SLC39A11: variants seen among roughly 807,000 people sequenced by gnomAD.
SLC39A11 encodes solute carrier family 39 member 11.
SLC39A11 carries 33 observed loss-of-function variants against 36.1 expected under a neutral mutation model. That is an observed-to-expected ratio of 0.91 (90% CI 0.69 to 1.22). SLC39A11 has a LOEUF of 1.22. SLC39A11 is among the 50% of genes most tolerant of loss of function. The pLI, the probability that SLC39A11 is intolerant of heterozygous loss-of-function variation, is 0.00. For synonymous variants in SLC39A11, 166 were observed against 170.3 expected (o/e 0.97, Z 0.20); for missense variants, 432 against 430.3 (o/e 1.00, Z -0.03).
intron 5 of SLC39A11, among the ~76,000 whole-genome samples, chr17:72,923,262 G>A (rs1023966369): frequency 2.0e-5 from 3 of 152,086 alleles, no homozygotes; most frequent in Non-Finnish European, 2.9e-5. Context: ...TGAGTTGCAT[G>A]GGCCAATAGG....
chr17:72,863,275 T>C (rs1196336421), intron 5 of SLC39A11, among the ~76,000 whole-genome samples: 5 of 152,178 alleles, frequency 3.3e-5, no homozygotes, highest in African/African-American at 1.2e-4. Context: ...AACATGTTCC[T>C]CTTCTTGGAA....
At chr17:72,947,593 G>C (rs2085509812) in intron 5 of SLC39A11, 159 bp downstream of exon 5, 4 of 1,057,830 alleles carry the variant, frequency 3.8e-6, no homozygotes, top group African/African-American at 1.6e-5. Context: ...CCAGATGCCA[G>C]TTTAGCTCCA....
At chr17:72,869,513 C>T (rs142027719) in intron 5 of SLC39A11, among the ~76,000 whole-genome samples, 7,129 of 152,282 alleles carry the variant, frequency 0.047, 197 homozygotes, top group Non-Finnish European at 0.06. Context: ...TCTCAGCCTC[C>T]CAAGTAGCTG....
intron 6 of SLC39A11, among the ~76,000 whole-genome samples, chr17:72,802,947 G>A (rs2077142570): frequency 6.6e-6 from 1 of 152,212 alleles, no homozygotes; most frequent in African/African-American, 2.4e-5. Flanking sequence ...TGCCTGCTGG[G>A]GACAAGCCAG....
intron 3 of SLC39A11, among the ~76,000 whole-genome samples, chr17:73,045,692 T>C (rs1158289518): frequency 6.6e-6 from 1 of 152,220 alleles, no homozygotes; most frequent in Middle Eastern, 3.2e-3. Context: ...CTTTGGTCCT[T>C]TCAAGGCAGA....
In SLC39A11 at chr17:72,723,321, A is replaced by AGT. The variant is rs10570164; in HGVS notation, c.671+13327_671+13328dup. ...TTCTTTGTCTTTGTAGGAGTGTAAG[A>AGT]GTGTGTGTGTGTGTGTGTGTGTGTG... On this transcript the variant is annotated intron_variant, in intron 7 of 9. Transcript: ENST00000255559. Among the ~76,000 whole-genome samples, 1,099 of 148,550 alleles carry AGT rather than the reference A, an allele frequency of 7.4e-3. 7 individuals carry two copies. The highest frequency in any genetic ancestry group is 0.02 in the Middle Eastern group (6 of 294).
intron 5 of SLC39A11, among the ~76,000 whole-genome samples, chr17:72,888,417 AT>A (rs1202094314): frequency 6.6e-6 from 1 of 152,202 alleles, no homozygotes; most frequent in African/African-American, 2.4e-5. Flanking sequence ...GCTCTACCTG[AT>A]CCCAACAGAT....
rs146414188 is a variant in SLC39A11, at chr17:72,719,718, C to G, written c.671+16932G>C. On this transcript the variant is annotated intron_variant, in intron 7 of 9. Transcript: ENST00000255559. ...AGAGCTTGACGGGGCCCTCCCTCCC[C>G]CAAGGTCTGCTCCAGGCTAACAGAG... Among the ~76,000 whole-genome samples, 906 of 152,334 alleles carry G rather than the reference C, an allele frequency of 5.9e-3. 10 individuals carry two copies. The highest frequency in any genetic ancestry group is 0.02 in the African/African-American group (850 of 41,576).
At chr17:72,695,323 G>A (rs539979188) in intron 7 of SLC39A11, among the ~76,000 whole-genome samples, 12 of 152,274 alleles carry the variant, frequency 7.9e-5, no homozygotes, top group African/African-American at 2.4e-4. Flanking sequence ...AGCCTGACAT[G>A]TCCACATGCA....
intron 4 of SLC39A11, among the ~76,000 whole-genome samples, chr17:72,985,921 G>A (rs193021923): frequency 6.6e-6 from 1 of 152,224 alleles, no homozygotes; most frequent in Non-Finnish European, 1.5e-5. Flanking sequence ...TTATAAAAAG[G>A]AGAAATTTGG....
At chr17:73,078,506 T>C (rs2144677333) in intron 3 of SLC39A11, among the ~76,000 whole-genome samples, 1 of 151,650 alleles carries the variant, frequency 6.6e-6, no homozygotes, top group East Asian at 1.9e-4. Context: ...TTTTTTTTTT[T>C]GAGACGGTCT....
intron 7 of SLC39A11, among the ~76,000 whole-genome samples, chr17:72,710,669 A>G (rs1205694100): frequency 6.6e-6 from 1 of 152,246 alleles, no homozygotes; most frequent in Non-Finnish European, 1.5e-5. Context: ...TTGTAGCAGC[A>G]TGAATGAACT....
chr17:72,891,382 G>C (rs1024812082), intron 5 of SLC39A11, among the ~76,000 whole-genome samples: 1 of 152,048 alleles, frequency 6.6e-6, no homozygotes, highest in East Asian at 1.9e-4. Context: ...CTGCCTGGAC[G>C]CCCCTGCCAA....
chr17:72,909,383 T>C (rs2082843747), intron 5 of SLC39A11, among the ~76,000 whole-genome samples: 1 of 152,198 alleles, frequency 6.6e-6, no homozygotes. Flanking sequence ...AGAAACACAT[T>C]GACTTGAATC....
chr17:72,694,723 C>G (rs934511406), intron 7 of SLC39A11, among the ~76,000 whole-genome samples: 6 of 152,216 alleles, frequency 3.9e-5, no homozygotes. Context: ...CTACCACAAT[C>G]CAAAATAGCA....
chr17:72,665,338 A>G lies in SLC39A11; in HGVS notation c.672-16070T>C, dbSNP rs892257963. The stretch of plus-strand genomic sequence containing the variant: ...AAAACCACTCTCAGATTCTTAACCC[A>G]TAAAAAAATTGAGATAATCTTTGTT... On this transcript the variant is annotated intron_variant, in intron 7 of 9. Coordinates refer to ENST00000255559, the MANE Select transcript of SLC39A11 (RefSeq NM_139177.4). Among the ~76,000 whole-genome samples the G allele has an allele frequency of 4.0e-5, 6 of 149,284 alleles. No individual in the cohort carries two copies. The East Asian group carries it at 5.9e-4, about 15-fold the overall frequency.
At chr17:72,990,004 A>G (rs1287299305) in intron 4 of SLC39A11, among the ~76,000 whole-genome samples, 3 of 152,250 alleles carry the variant, frequency 2.0e-5, no homozygotes, top group Non-Finnish European at 2.9e-5. Flanking sequence ...TGCTGCACGT[A>G]GTATCAGACT....
chr17:72,905,815 G>A (rs377638526), intron 5 of SLC39A11, among the ~76,000 whole-genome samples: 7 of 151,590 alleles, frequency 4.6e-5, no homozygotes, highest in Admixed American at 6.6e-5. Context: ...GTACAGTGGC[G>A]TGATCTCAGC....
intron 4 of SLC39A11, among the ~76,000 whole-genome samples, chr17:72,996,257 G>A (rs1387147312): frequency 1.3e-5 from 2 of 152,132 alleles, no homozygotes; most frequent in South Asian, 2.1e-4. Context: ...TGCACCCTCC[G>A]TGGCCGCTTG....
Sources: gnomAD v4.1 joint callset for allele counts (sites outside exome capture counted in the v4.1 genomes callset) on GRCh38, gnomAD v4.1.1 for gene constraint, MANE v1.5 for transcripts, NCBI Gene and HGNC (gene_info 2026-07-23, HGNC 2026-07-21) for gene names.